Variants in CELF4 observed in about 807,000 individuals in gnomAD.
The protein encoded by CELF4 is CUGBP Elav-like family member 4, also known as CUG-BP- and ETR-3-like factor 4.
A neutral mutation model predicts 59.9 loss-of-function variants in CELF4; 18 were observed. That is an observed-to-expected ratio of 0.30 (90% CI 0.21 to 0.45). CELF4 has a LOEUF of 0.45. Among genes scored for constraint, CELF4 ranks in the 20% least tolerant of loss-of-function variants. The pLI, the probability that CELF4 is intolerant of heterozygous loss-of-function variation, is 1.00. For synonymous variants in CELF4, 261 were observed against 267.1 expected, an observed-to-expected ratio of 0.98 and a Z score of 0.22; for missense variants, 456 against 689.0, an observed-to-expected ratio of 0.66 and a Z score of 3.79.
chr18:37,543,011 A>G (rs929106799), intron 1 of CELF4, among the ~76,000 whole-genome samples: 7 of 152,086 alleles, frequency 4.6e-5, no homozygotes, highest in African/African-American at 1.7e-4. Context: ...ACCCACCTCC[A>G]TTTTAACTCT....
chr18:37,408,498 G>GCGGC (rs57017369), intron 2 of CELF4, among the ~76,000 whole-genome samples: 2 of 51,998 alleles, frequency 3.8e-5, no homozygotes, highest in Non-Finnish European at 1.1e-4. Flanking sequence ...GTGCCGGGGG[G>GCGGC]GGGCGCGGTG....
chr18:37,493,391 C>T (rs548136080), intron 1 of CELF4, among the ~76,000 whole-genome samples: 1 of 152,352 alleles, frequency 6.6e-6, no homozygotes, highest in East Asian at 1.9e-4. Flanking sequence ...TGTGTGTGTT[C>T]ACCCAGAATG....
intron 1 of CELF4, among the ~76,000 whole-genome samples, chr18:37,509,311 A>G (rs538415594): frequency 6.6e-6 from 1 of 152,368 alleles, no homozygotes; most frequent in African/African-American, 2.4e-5. Context: ...GAAAAGCACC[A>G]CGAAGCTAGG....
chr18:37,292,527 T>C (rs960123294), intron 3 of CELF4, among the ~76,000 whole-genome samples: 1 of 152,148 alleles, frequency 6.6e-6, no homozygotes, highest in African/African-American at 2.4e-5. Context: ...CCTGCCTGGC[T>C]TTTCTCCCTG....
intron 2 of CELF4, among the ~76,000 whole-genome samples, chr18:37,349,548 C>G (rs1464389744): frequency 6.6e-6 from 1 of 152,200 alleles, no homozygotes; most frequent in African/African-American, 2.4e-5. Context: ...GGAAAAGACA[C>G]ACTCATTTAC....
chr18:37,502,159 G>A (rs1377848611), intron 1 of CELF4, among the ~76,000 whole-genome samples: 4 of 152,132 alleles, frequency 2.6e-5, no homozygotes, highest in African/African-American at 9.7e-5. Flanking sequence ...ATTTGATGTA[G>A]CCCTCTGGAC....
At chr18:37,485,654 G>A in intron 1 of CELF4, 47 bp from the exon 2 acceptor site, 1 of 1,280,172 alleles carries the variant, frequency 7.8e-7, no homozygotes, top group South Asian at 2.1e-5. Context: ...GGCGCCCCCG[G>A]GCCCGCCGAC....
intron 1 of CELF4, among the ~76,000 whole-genome samples, chr18:37,518,071 G>A (rs1010053299): frequency 1.3e-5 from 2 of 152,078 alleles, no homozygotes; most frequent in Admixed American, 6.5e-5. Flanking sequence ...GCCATGGGGA[G>A]ACCTGACCAG....
intron 1 of CELF4, among the ~76,000 whole-genome samples, chr18:37,538,403 C>T (rs1428132470): frequency 2.0e-5 from 3 of 152,168 alleles, no homozygotes; most frequent in African/African-American, 7.2e-5. Flanking sequence ...GTGTGTAATC[C>T]TCTCCCGAGC....
intron 9 of CELF4, among the ~76,000 whole-genome samples, chr18:37,265,562 CA>C (rs1468386184): frequency 2.0e-5 from 3 of 152,144 alleles, no homozygotes; most frequent in African/African-American, 7.2e-5. Flanking sequence ...GGAAGGCTGC[CA>C]GGGGGTAGTC....
intron 12 of CELF4, among the ~76,000 whole-genome samples, chr18:37,250,157 G>T (rs543879557): frequency 2.0e-5 from 3 of 152,254 alleles, no homozygotes; most frequent in East Asian, 3.9e-4. Flanking sequence ...TATGGACCTG[G>T]CCACATGCAT....
At chr18:37,334,215 C>T (rs574709569) in intron 2 of CELF4, among the ~76,000 whole-genome samples, 40 of 152,330 alleles carry the variant, frequency 2.6e-4, no homozygotes, top group Admixed American at 2.0e-4. Context: ...CATGCATTTT[C>T]CCTCATCCAC....
intron 3 of CELF4, among the ~76,000 whole-genome samples, chr18:37,293,408 C>T (rs1310671176): frequency 1.3e-5 from 2 of 152,204 alleles, no homozygotes; most frequent in South Asian, 2.1e-4. Flanking sequence ...CTACGTGGTG[C>T]TCTCTCTGTA....
intron 1 of CELF4, among the ~76,000 whole-genome samples, chr18:37,529,418 C>G (rs1410473455): frequency 6.6e-6 from 1 of 152,200 alleles, no homozygotes; most frequent in Non-Finnish European, 1.5e-5. Flanking sequence ...GAGCTCAGGT[C>G]TGGCGCGACG....
chr18:37,482,413 GC>G (rs2099870386), intron 2 of CELF4, among the ~76,000 whole-genome samples: 2 of 152,194 alleles, frequency 1.3e-5, no homozygotes. Flanking sequence ...AGAAGGCAGT[GC>G]TCAAAAAGAC....
chr18:37,299,901 C>T (rs2095892132), intron 3 of CELF4, among the ~76,000 whole-genome samples: 1 of 152,112 alleles, frequency 6.6e-6, no homozygotes, highest in Non-Finnish European at 1.5e-5. Context: ...GGCCCATACT[C>T]CCCAGCTTGG....
At position 37,246,612 on chromosome 18, in the gene CELF4, A is replaced by G. The variant is rs943321375; in HGVS notation, c.*45-1415T>C. On this transcript the variant is annotated intron_variant, in intron 12 of 12. Transcript: ENST00000420428. The surrounding 1 kb of genome is among the most constrained non-coding windows in gnomAD (Gnocchi z 5.3). ...TTGTTTTTGTTTTTTTTCCCTTTGA[A>G]GTGAGATTGAAAATAGCCTAACTGG... 6.6e-6 allele frequency among the ~76,000 whole-genome samples: 1 copy of G among 151,746 alleles called. No individual in the cohort carries two copies. The highest frequency in any genetic ancestry group is 1.5e-5 in the Non-Finnish European group (1 of 67,930).
intron 3 of CELF4, chr18:37,276,234 T>C (rs1252508028): frequency 1.3e-5 from 2 of 152,226 alleles, no homozygotes; most frequent in African/African-American, 4.8e-5. Context: ...AGACAAAGCA[T>C]GCACGCATGG....
intron 2 of CELF4, among the ~76,000 whole-genome samples, chr18:37,429,356 T>C (rs2099633963): frequency 6.6e-6 from 1 of 152,066 alleles, no homozygotes; most frequent in African/African-American, 2.4e-5. Context: ...CTGTGTGTGC[T>C]CTGTATGTCT....
Sources: gnomAD v4.1 joint callset for allele counts (sites outside exome capture counted in the v4.1 genomes callset) on GRCh38, gnomAD v4.1.1 for gene constraint, Gnocchi (gnomAD v3.1) non-coding constraint, MANE v1.5 for transcripts, NCBI Gene and HGNC (gene_info 2026-07-23, HGNC 2026-07-21) for gene names.